WWC1: variants seen among roughly 807,000 people sequenced by gnomAD.
WWC1 encodes WW and C2 domain containing 1.
In WWC1, 55 loss-of-function variants were observed where a neutral mutation model predicts 138.4. That is an observed-to-expected ratio of 0.40 (90% confidence interval 0.32 to 0.50). WWC1 has a LOEUF of 0.50. Ranked by LOEUF, WWC1 falls within the 20% of genes least tolerant of loss-of-function variation. The pLI is 0.72. For synonymous variants in WWC1, 524 were observed against 564.9 expected (o/e 0.93, Z 1.03); for missense variants, 1,226 against 1,420.4 (o/e 0.86, Z 2.20).
intron 1 of WWC1, among the ~76,000 whole-genome samples, chr5:168,324,678 G>A (rs1472129877): frequency 6.6e-6 from 1 of 151,828 alleles, no homozygotes; most frequent in East Asian, 1.9e-4. Context: ...CAAATTGGTA[G>A]ACTTAAATCC....
intron 10 of WWC1, among the ~76,000 whole-genome samples, chr5:168,423,160 A>AAAAAAAAC (rs1224727678): frequency 1.5e-3 from 226 of 150,482 alleles, no homozygotes; most frequent in African/African-American, 4.3e-3. Flanking sequence ...AAAAAAAAAA[A>AAAAAAAAC]AAAAAAAAAA....
At chr5:168,454,212 CACAA>C in intron 18 of WWC1, 112 bp downstream of exon 18, 1 of 1,482,196 alleles carries the variant, frequency 6.7e-7, no homozygotes, top group Non-Finnish European at 9.1e-7. Flanking sequence ...AGCATCAGGG[CACAA>C]GCCCTCATAA....
At chr5:168,415,814 GCGT>G (rs1561732917) in intron 9 of WWC1, 4 of 41,458 alleles carry the variant, frequency 9.6e-5, no homozygotes, top group African/African-American at 1.9e-4. Flanking sequence ...GGGGGGGGGG[GCGT>G]GTGTGTGTGT....
rs1554101624 is a variant in WWC1, at chr5:168,384,733, T to TG, written c.230-478_230-477insG. Reference sequence around the variant, plus strand: ...TTATTCTTTTTTTTTTTTTTTTTTTTTTCAGACAGAGTCTCATTATGTCAT... The same window carrying TG: ...TTATTCTTTTTTTTTTTTTTTTTTTTGTTCAGACAGAGTCTCATTATGTCAT... On this transcript the variant is annotated intron_variant, in intron 2 of 22. Coordinates refer to ENST00000265293, the MANE Select transcript of WWC1 (RefSeq NM_015238.3). Among the ~76,000 whole-genome samples, 40 of 144,530 alleles carry TG rather than the reference T, an allele frequency of 2.8e-4. 1 individual carries two copies. The highest frequency in any genetic ancestry group is 4.3e-4 in the South Asian group (2 of 4,598). The allele number at this position is 144,530 out of a possible 152,430, so 94.8% of individuals were successfully genotyped here.
At chr5:168,462,343 G>A (rs1314403851) in intron 20 of WWC1, among the ~76,000 whole-genome samples, 2 of 152,178 alleles carry the variant, frequency 1.3e-5, no homozygotes, top group Non-Finnish European at 2.9e-5. Context: ...ACAACCAACT[G>A]CCCACTCTGG....
At chr5:168,300,164 G>A (rs1373938244) in intron 1 of WWC1, among the ~76,000 whole-genome samples, 1 of 152,156 alleles carries the variant, frequency 6.6e-6, no homozygotes, top group African/African-American at 2.4e-5. Flanking sequence ...AGTTGCTGCT[G>A]CCTCGAATCC....
At chr5:168,369,103 C>T (rs1195829094) in intron 1 of WWC1, among the ~76,000 whole-genome samples, 1 of 152,212 alleles carries the variant, frequency 6.6e-6, no homozygotes, top group Non-Finnish European at 1.5e-5. Context: ...TGCTTGAAAT[C>T]CCAGCTTTGT....
In WWC1 at chr5:168,428,139, G is replaced by A. The variant is rs13168073; in HGVS notation, c.1917G>A (p.Gln639=). ...GDSGVYEASV[Q]RLGASEAAAF... is the part of the protein sequence containing the mutation. ...GTGGTGTGTACGAGGCTTCCGTGCAGAGGTAGGTGTCTGGGTGCTGGCTCT... is the reference window on the plus strand; with the variant it reads ...GTGGTGTGTACGAGGCTTCCGTGCAAAGGTAGGTGTCTGGGTGCTGGCTCT... Residue 639 remains glutamine, a splice_region_variant and synonymous_variant, in exon 12 of 23, where the codon CAG becomes CAA. Coordinates refer to ENST00000265293, the MANE Select transcript of WWC1 (RefSeq NM_015238.3). 1.2e-6 allele frequency: 2 copies of A among 1,612,740 alleles called. No individual in the cohort carries two copies. Among genetic ancestry groups the A allele is most frequent in the East Asian group, 4.5e-5 (2 of 44,826 alleles).
intron 3 of WWC1, among the ~76,000 whole-genome samples, chr5:168,386,585 C>T (rs34229118): frequency 0.25 from 37,866 of 151,276 alleles, 4,946 homozygotes; most frequent in South Asian, 0.41. Context: ...TTAGTAGAGA[C>T]GGGGTTTCAC....
chr5:168,455,302 G>C, intron 18 of WWC1, 54 bp from the exon 19 acceptor site: 1 of 1,519,816 alleles, frequency 6.6e-7, no homozygotes, highest in Non-Finnish European at 8.8e-7. Flanking sequence ...GTCTCTGGTG[G>C]GTGGCTGAGA....
intron 1 of WWC1, among the ~76,000 whole-genome samples, chr5:168,324,002 G>A (rs1054685570): frequency 6.6e-6 from 1 of 152,170 alleles, no homozygotes; most frequent in South Asian, 2.1e-4. Flanking sequence ...TGCTGAAAGG[G>A]AAAAATACTG....
At chr5:168,329,972 T>C (rs1581936032) in intron 1 of WWC1, among the ~76,000 whole-genome samples, 1 of 151,956 alleles carries the variant, frequency 6.6e-6, no homozygotes, top group Non-Finnish European at 1.5e-5. Flanking sequence ...TAGCCGGGCG[T>C]GGTGGCAGGC....
chr5:168,404,427 T>G (rs1779627021), intron 5 of WWC1, among the ~76,000 whole-genome samples: 1 of 152,196 alleles, frequency 6.6e-6, no homozygotes, highest in African/African-American at 2.4e-5. Context: ...GACAGGCTAT[T>G]TTTAGTGGGG....
Position 168,331,651 on chromosome 5 carries a change from A to G in WWC1, c.119+39380A>G, listed in dbSNP as rs142784026. On this transcript the variant is annotated intron_variant, in intron 1 of 22. Transcript: ENST00000265293. The stretch of plus-strand genomic sequence containing the variant: ...CTATCGTTGCTTGCACCATGCACAA[A>G]TAATGTCGTTTCTGTTAAGGTAACG... Among the ~76,000 whole-genome samples the G allele has an allele frequency of 1.3e-5, 2 of 152,358 alleles. 1 individual carries two copies. Among genetic ancestry groups the G allele is most frequent in the Non-Finnish European group, 2.9e-5 (2 of 68,038 alleles).
intron 8 of WWC1, chr5:168,411,968 AG>A: frequency 1.0e-6 from 1 of 984,652 alleles, no homozygotes; most frequent in Non-Finnish European, 1.2e-6. Flanking sequence ...AATACTGGTC[AG>A]GTAGAAAAAA....
chr5:168,407,805 T>C (rs17633196), intron 6 of WWC1, among the ~76,000 whole-genome samples: 21,109 of 152,092 alleles, frequency 0.14, 1,582 homozygotes, highest in African/African-American at 0.17. Flanking sequence ...TAGTGTTTTA[T>C]ACTTGTCATC....
chr5:168,467,956 G>A lies in WWC1; in HGVS notation c.3267G>A (p.Gln1089=). The change falls in exon 22 of 23, where the codon CAG becomes CAA. Residue 1089 remains glutamine, a synonymous_variant. Coordinates refer to ENST00000265293, the MANE Select transcript of WWC1 (RefSeq NM_015238.3). ...GQSCKEPPEV[Q]SFREKMAFFT... is the part of the protein sequence containing the mutation. Reference sequence around the variant, plus strand: ...GCTGTAAGGAACCCCCAGAAGTTCAGTCTTTCAGGTAAGCAGAGGGCCCCG... The same window carrying A: ...GCTGTAAGGAACCCCCAGAAGTTCAATCTTTCAGGTAAGCAGAGGGCCCCG... 6.2e-7 allele frequency: 1 copy of A among 1,614,226 alleles called. No individual in the cohort carries two copies. Among genetic ancestry groups the A allele is most frequent in the Middle Eastern group, 1.6e-4 (1 of 6,062 alleles).
chr5:168,371,032 G>C (rs909773476), intron 1 of WWC1, among the ~76,000 whole-genome samples: 1 of 152,228 alleles, frequency 6.6e-6, no homozygotes, highest in South Asian at 2.1e-4. Flanking sequence ...GGCTGAGTGC[G>C]TTGCAGGTGA....
At chr5:168,375,918 A>G (rs1582083477) in intron 2 of WWC1, among the ~76,000 whole-genome samples, 1 of 125,030 alleles carries the variant, frequency 8.0e-6, no homozygotes, top group Admixed American at 7.6e-5. Flanking sequence ...TTACTATTTC[A>G]TGTCAGTATT....
Sources: gnomAD v4.1 joint callset for allele counts (sites outside exome capture counted in the v4.1 genomes callset) on GRCh38, gnomAD v4.1.1 for gene constraint, MANE v1.5 for transcripts, NCBI Gene and HGNC (gene_info 2026-07-23, HGNC 2026-07-21) for gene names.